Variants in LYRM4 observed in about 807,000 individuals in gnomAD.
The protein encoded by LYRM4 is LYR motif containing 4.
In LYRM4, 9 loss-of-function variants were observed where a neutral mutation model predicts 11.7. That is an observed-to-expected ratio of 0.77 (90% confidence interval 0.46 to 1.34). The LOEUF (loss-of-function observed/expected upper bound fraction) is 1.34, where lower values mean the gene tolerates loss of function less well. LYRM4 is among the 40% of genes most tolerant of loss of function. The pLI is 0.00. For missense variants in LYRM4, 133 were observed against 112.5 expected (o/e 1.18, Z -0.82); for synonymous variants, 42 against 40.4 (o/e 1.04, Z -0.15).
intron 2 of LYRM4, among the ~76,000 whole-genome samples, chr6:5,168,553 A>C (rs1461006190): frequency 6.6e-6 from 1 of 152,136 alleles, no homozygotes; most frequent in Non-Finnish European, 1.5e-5. Flanking sequence ...GAAAGACAAA[A>C]ACAGGAGAAA....
intron 2 of LYRM4, among the ~76,000 whole-genome samples, chr6:5,182,699 C>T (rs1760148856): frequency 6.6e-6 from 1 of 152,150 alleles, no homozygotes; most frequent in Non-Finnish European, 1.5e-5. Context: ...AAAAGGTAAC[C>T]CTGTTTGAGA....
intron 1 of LYRM4, among the ~76,000 whole-genome samples, chr6:5,255,723 A>G (rs1249340734): frequency 6.6e-6 from 1 of 151,954 alleles, no homozygotes; most frequent in Admixed American, 6.5e-5. Context: ...GGATTTCTCA[A>G]TCTTGGCATG....
At position 5,245,102 on chromosome 6, in the gene LYRM4, AAAAAAAAAAAAATATATATATAT is replaced by A. The variant is rs1283421070; in HGVS notation, c.86+15523_86+15545del. Among the ~76,000 whole-genome samples the A allele has an allele frequency of 7.4e-4, 42 of 56,516 alleles. 1 individual carries two copies. Among genetic ancestry groups the A allele is most frequent in the African/African-American group, 1.9e-3 (30 of 15,702 alleles). 37.1% of individuals were successfully genotyped at this position (56,516 alleles called of 152,430 possible). A position where few individuals can be genotyped will look rare whatever the true frequency, so the allele number is the denominator to read the frequency against. On this transcript the variant is annotated intron_variant, in intron 1 of 2. Coordinates refer to ENST00000330636, the MANE Select transcript of LYRM4 (RefSeq NM_020408.6). ...GCAGGAAGACCTTAAAAAAAAAAAA[AAAAAAAAAAAAATATATATATAT>A]ATATATATATATATATATATATATA...
intron 2 of LYRM4, among the ~76,000 whole-genome samples, chr6:5,157,839 A>C (rs748892830): frequency 4.6e-5 from 7 of 152,240 alleles, no homozygotes; most frequent in Non-Finnish European, 1.0e-4. Context: ...AGAGTAGGGT[A>C]ACATGAATTG....
intron 2 of LYRM4, chr6:5,144,283 G>A (rs1757575538): frequency 6.5e-7 from 1 of 1,536,990 alleles, no homozygotes; most frequent in Non-Finnish European, 8.7e-7. Flanking sequence ...ATACAGGCAA[G>A]TCTTGGGTGA....
chr6:5,133,296 A>AT (rs1764039267), intron 2 of LYRM4, among the ~76,000 whole-genome samples: 1 of 152,208 alleles, frequency 6.6e-6, no homozygotes, highest in Non-Finnish European at 1.5e-5. Flanking sequence ...AGGAGAGAAC[A>AT]TTTTTTGTGA....
intron 2 of LYRM4, among the ~76,000 whole-genome samples, chr6:5,181,308 G>A (rs928302416): frequency 6.6e-6 from 1 of 152,018 alleles, no homozygotes; most frequent in Admixed American, 6.6e-5. Context: ...ACGATGTATC[G>A]AGGACTCACG....
At chr6:5,130,145 C>G (rs1314742700) in intron 2 of LYRM4, among the ~76,000 whole-genome samples, 1 of 152,238 alleles carries the variant, frequency 6.6e-6, no homozygotes, top group Non-Finnish European at 1.5e-5. Flanking sequence ...GTTCCCACCC[C>G]AGCGCTGGGG....
the LYRM4 span, among the ~76,000 whole-genome samples, chr6:5,098,322 T>C: frequency 1.3e-5 from 2 of 152,238 alleles, no homozygotes; most frequent in Non-Finnish European, 2.9e-5. Flanking sequence ...CACGTGGCTC[T>C]GCTCTGCTCG....
chr6:5,128,018 T>C (rs1763775685), intron 2 of LYRM4, among the ~76,000 whole-genome samples: 2 of 152,214 alleles, frequency 1.3e-5, no homozygotes, highest in South Asian at 4.1e-4. Flanking sequence ...TGCCGAATTA[T>C]AGGATAGTAT....
At chr6:5,188,941 G>A (rs1760585568) in intron 2 of LYRM4, among the ~76,000 whole-genome samples, 1 of 151,938 alleles carries the variant, frequency 6.6e-6, no homozygotes, top group Non-Finnish European at 1.5e-5. Context: ...ATATTTTTTT[G>A]TAGAGACAGG....
the LYRM4 span, among the ~76,000 whole-genome samples, chr6:5,072,703 C>T: frequency 3.3e-5 from 5 of 152,004 alleles, no homozygotes; most frequent in East Asian, 3.9e-4. Context: ...AAATAGCCAC[C>T]GCATCGGCCC....
intron 2 of LYRM4, among the ~76,000 whole-genome samples, chr6:5,155,668 G>A (rs929636147): frequency 7.2e-5 from 11 of 152,178 alleles, no homozygotes; most frequent in African/African-American, 2.7e-4. Context: ...CACTGGTCCT[G>A]CCATTATTCT....
At chr6:5,208,152 T>G (rs1761802821) in intron 2 of LYRM4, among the ~76,000 whole-genome samples, 1 of 152,220 alleles carries the variant, frequency 6.6e-6, no homozygotes, top group African/African-American at 2.4e-5. Flanking sequence ...GTACAGTGTG[T>G]GGTGCACAGT....
At chr6:5,228,371 G>T (rs1763022076) in intron 1 of LYRM4, among the ~76,000 whole-genome samples, 1 of 151,924 alleles carries the variant, frequency 6.6e-6, no homozygotes, top group African/African-American at 2.4e-5. Context: ...TCACCTCCCT[G>T]GTTCAAGTGA....
At chr6:5,101,139 C>A (rs1762487319), downstream of LYRM4, among the ~76,000 whole-genome samples, 1 of 152,198 alleles carries the variant, frequency 6.6e-6, no homozygotes, top group South Asian at 2.1e-4. Context: ...ACCCCCACAC[C>A]CCTTATCCTA....
At chr6:5,034,862 T>A in the LYRM4 span, among the ~76,000 whole-genome samples, 1 of 150,082 alleles carries the variant, frequency 6.7e-6, no homozygotes, top group East Asian at 2.0e-4. Flanking sequence ...TAGTGCTGAC[T>A]GGCTCTCATG....
rs1312373092 is a variant in LYRM4 at position 5,214,746 on chromosome 6, CT to C, written c.207+1871del. ...GGAGCCACTGTGCCTTACGCCCTAA[CT>C]ACTGTAAAGGCTGCATGTGGATTCA... is the stretch of plus-strand genomic sequence containing the variant. On this transcript the variant is annotated intron_variant, in intron 2 of 2. Transcript: ENST00000330636. Among the ~76,000 whole-genome samples, 18 of 152,352 alleles carry C rather than the reference CT, an allele frequency of 1.2e-4. 1 individual carries two copies. Among genetic ancestry groups the C allele is most frequent in the Admixed American group, 3.3e-4 (5 of 15,304 alleles).
chr6:5,138,485 T>A (rs558503298), intron 2 of LYRM4, among the ~76,000 whole-genome samples: 1 of 42,282 alleles, frequency 2.4e-5, no homozygotes, highest in Admixed American at 3.8e-4. Context: ...AGACCCTGTC[T>A]CCAAAAAAAA....
Sources: allele counts gnomAD v4.1 joint callset (sites outside exome capture counted in the v4.1 genomes callset), GRCh38; gene constraint gnomAD v4.1.1; transcripts MANE v1.5; gene names NCBI Gene and HGNC (gene_info 2026-07-23, HGNC 2026-07-21).